The following ZFHX3 variants were observed in gnomAD, a reference collection of about 807,000 sequenced individuals.
The protein encoded by ZFHX3 is zinc finger homeobox 3.
ZFHX3 carries 42 observed loss-of-function variants against 279.1 expected under a neutral mutation model. The ratio of observed to expected loss-of-function variants is 0.15; its 90% CI spans 0.12 to 0.19. The LOEUF (loss-of-function observed/expected upper bound fraction) is 0.19, where lower values mean the gene tolerates loss of function less well. Among genes scored for constraint, ZFHX3 ranks in the 10% least tolerant of loss-of-function variants. ZFHX3 has a pLI of 1.00. For synonymous variants in ZFHX3, 2,293 were observed against 1,957.8 expected, an observed-to-expected ratio of 1.17 and a Z score of -4.52; for missense variants, 4,981 against 4,754.0, an observed-to-expected ratio of 1.05 and a Z score of -1.40.
At chr16:73,525,016 G>A (rs559309347) in intron 2 of ZFHX3, among the ~76,000 whole-genome samples, 42 of 152,216 alleles carry the variant, frequency 2.8e-4, no homozygotes, top group African/African-American at 8.4e-4. Context: ...AGCTGTGACT[G>A]GTAGAAACCC....
intron 3 of ZFHX3, among the ~76,000 whole-genome samples, chr16:72,929,940 G>A (rs138211228): frequency 0.017 from 2,563 of 152,304 alleles, 42 homozygotes; most frequent in Middle Eastern, 0.041. Context: ...AAAACAGGCT[G>A]GGCGCGGTGG....
chr16:72,956,921 G>C (rs7197208), intron 2 of ZFHX3, among the ~76,000 whole-genome samples: 25,159 of 152,002 alleles, frequency 0.17, 2,596 homozygotes, highest in Admixed American at 0.27. Flanking sequence ...GCTCGGCACA[G>C]AATCAGCCTT....
intron 3 of ZFHX3, among the ~76,000 whole-genome samples, chr16:73,406,132 G>A (rs2017355194): frequency 6.6e-6 from 1 of 152,252 alleles, no homozygotes; most frequent in Non-Finnish European, 1.5e-5. Flanking sequence ...TCAGATGCCT[G>A]CGCATCAGCT....
At position 72,797,533 on chromosome 16, in the gene ZFHX3, C is replaced by T; in HGVS notation, c.5149G>A (p.Asp1717Asn). 2 of 1,614,022 alleles carry T rather than the reference C, an allele frequency of 1.2e-6. No homozygotes were observed. Among genetic ancestry groups the T allele is most frequent in the Non-Finnish European group, 1.7e-6 (2 of 1,179,976 alleles). The change falls in exon 9 of 10, where the codon GAT becomes AAT. Residue 1717 changes from aspartate (D) to asparagine (N), a missense_variant. Physicochemically the swap from Asp to Asn is conservative, Grantham distance 23 (BLOSUM62 1). Around this residue, in one of 7 missense-constraint regions of ZFHX3, gnomAD observed 1,751 missense variants for 1,770.0 expected, o/e 0.99. Transcript: ENST00000268489. ...TGCTGCTGCCTGGATGCAATCATAT[C>T]TGCCAGTTTCTTCCGATTGGCCTCT... ...PKEANRKKLA[D>N]MIASRQQQQQ...
chr16:73,275,627 T>A (rs2143041676), intron 4 of ZFHX3, among the ~76,000 whole-genome samples: 1 of 152,372 alleles, frequency 6.6e-6, no homozygotes, highest in African/African-American at 2.4e-5. Flanking sequence ...CTTTTTGGTT[T>A]TCCACTGCAT....
chr16:73,353,476 T>C (rs2016284540), intron 3 of ZFHX3, among the ~76,000 whole-genome samples: 1 of 152,242 alleles, frequency 6.6e-6, no homozygotes, highest in Non-Finnish European at 1.5e-5. Context: ...ATTGATAATG[T>C]GCTGGATACT....
chr16:73,100,968 T>C (rs1966224299), intron 7 of ZFHX3, among the ~76,000 whole-genome samples: 1 of 152,188 alleles, frequency 6.6e-6, no homozygotes, highest in Non-Finnish European at 1.5e-5. Flanking sequence ...AGCACCTGAC[T>C]GCTGCTTTCT....
At chr16:72,999,155 GTT>G (rs1009362847) in intron 1 of ZFHX3, among the ~76,000 whole-genome samples, 1 of 152,054 alleles carries the variant, frequency 6.6e-6, no homozygotes, top group Non-Finnish European at 1.5e-5. Context: ...ACAATCTTTT[GTT>G]TTTTTGTTTT....
intron 1 of ZFHX3, among the ~76,000 whole-genome samples, chr16:73,788,342 G>A (rs559539699): frequency 1.1e-4 from 16 of 152,216 alleles, no homozygotes; most frequent in Non-Finnish European, 2.1e-4. Flanking sequence ...TGGGCTTGGA[G>A]AGAATAGTAG....
At chr16:72,888,819 G>A (rs928640139) in intron 4 of ZFHX3, among the ~76,000 whole-genome samples, 7 of 152,210 alleles carry the variant, frequency 4.6e-5, no homozygotes, top group Non-Finnish European at 5.9e-5. Context: ...AGGAGGTTGA[G>A]ACATGGAATA....
intron 8 of ZFHX3, among the ~76,000 whole-genome samples, chr16:73,079,623 G>A (rs1168478795): frequency 6.6e-6 from 1 of 151,926 alleles, no homozygotes; most frequent in Non-Finnish European, 1.5e-5. Context: ...ACAAGCGTGA[G>A]CTGCCACACC....
chr16:73,249,654 C>A (rs28396374), intron 5 of ZFHX3, among the ~76,000 whole-genome samples: 2 of 152,074 alleles, frequency 1.3e-5, no homozygotes, highest in Non-Finnish European at 2.9e-5. Flanking sequence ...GGGGATACAG[C>A]CAAACCATAT....
intron 4 of ZFHX3, among the ~76,000 whole-genome samples, chr16:73,305,195 T>C (rs8044169): frequency 0.76 from 115,927 of 152,004 alleles, 44,713 homozygotes; most frequent in Middle Eastern, 0.86. Context: ...GGGAGGAAGG[T>C]GGGTGTAAGC....
intron 4 of ZFHX3, among the ~76,000 whole-genome samples, chr16:73,278,099 A>G (rs886731426): frequency 3.9e-5 from 6 of 152,230 alleles, no homozygotes; most frequent in African/African-American, 1.4e-4. Flanking sequence ...ATACCAGTCT[A>G]TTTAAATGTT....
At position 73,453,287 on chromosome 16, in the gene ZFHX3, C is replaced by G. The variant is rs1459243274; in HGVS notation, c.-1291+2716G>C. Among the ~76,000 whole-genome samples the G allele has an allele frequency of 2.6e-5, 4 of 152,312 alleles. No homozygotes were observed. The East Asian group carries it at 5.8e-4, about 22-fold the overall frequency. On this transcript the variant is annotated intron_variant, in intron 3 of 17. Coordinates refer to the ZFHX3 transcript ENST00000641206. ...CCATTGAGAGGTAGAGTCTACTGTT[C>G]CATCCCCCTGAATCTGAACTGACCT...
chr16:73,753,425 G>A (rs574920268), intron 1 of ZFHX3, among the ~76,000 whole-genome samples: 19 of 152,216 alleles, frequency 1.2e-4, no homozygotes, highest in South Asian at 2.1e-4. Context: ...TTGCCACGGC[G>A]ATTACCCAGA....
intron 1 of ZFHX3, among the ~76,000 whole-genome samples, chr16:72,995,485 AC>A (rs1963252357): frequency 6.6e-6 from 1 of 152,108 alleles, no homozygotes; most frequent in Admixed American, 6.5e-5. Flanking sequence ...GCTGGCACAA[AC>A]CTCTCTGATG....
chr16:72,955,858 G>A (rs1029624297), intron 2 of ZFHX3, among the ~76,000 whole-genome samples: 2 of 149,542 alleles, frequency 1.3e-5, no homozygotes, highest in Non-Finnish European at 3.0e-5. Flanking sequence ...TTCCACCTCC[G>A]TTATGTTTGA....
intron 2 of ZFHX3, chr16:73,483,343 G>C (rs1404622977): frequency 2.5e-6 from 1 of 406,524 alleles, no homozygotes; most frequent in Non-Finnish European, 4.7e-6. Context: ...GAGACAGAGA[G>C]AGAGAGAAAG....
Sources: gnomAD v4.1 joint callset for allele counts (sites outside exome capture counted in the v4.1 genomes callset) on GRCh38, gnomAD v4.1.1 for gene constraint, gnomAD v4.1.1 regional missense constraint, MANE v1.5 for transcripts, NCBI Gene and HGNC (gene_info 2026-07-23, HGNC 2026-07-21) for gene names.